UBTD1: variants seen among roughly 807,000 people sequenced by gnomAD.
UBTD1 encodes ubiquitin domain containing 1, also known as ubiquitin domain-containing protein 1.
Under a neutral mutation model 21.7 loss-of-function variants are expected in UBTD1, and 19 were observed. The observed-to-expected ratio is 0.87, with a 90% CI of 0.61 to 1.28. UBTD1 has a LOEUF of 1.28. Ranked by LOEUF, UBTD1 falls within the 50% of genes most tolerant of loss-of-function variation. The pLI, the probability that UBTD1 is intolerant of heterozygous loss-of-function variation, is 0.00. For missense variants in UBTD1, 282 were observed against 315.1 expected (o/e 0.89, Z 0.80); for synonymous variants, 116 against 135.1 (o/e 0.86, Z 0.98).
At chr10:97,551,230 A>G (rs970634981) in intron 1 of UBTD1, among the ~76,000 whole-genome samples, 2 of 152,116 alleles carry the variant, frequency 1.3e-5, no homozygotes, top group African/African-American at 2.4e-5. Context: ...AGACATATAC[A>G]TTCTCTGCTC....
chr10:97,549,821 C>T (rs998870561), intron 1 of UBTD1, among the ~76,000 whole-genome samples: 4 of 152,228 alleles, frequency 2.6e-5, no homozygotes, highest in African/African-American at 4.8e-5. Context: ...AGCACTTTCC[C>T]TTCAAAAGTT....
chr10:97,548,035 T>C (rs1480935278), intron 1 of UBTD1, among the ~76,000 whole-genome samples: 1 of 152,194 alleles, frequency 6.6e-6, no homozygotes, highest in African/African-American at 2.4e-5. Context: ...AGCAGTCCCA[T>C]GAGGTGGGAG....
intron 1 of UBTD1, among the ~76,000 whole-genome samples, chr10:97,529,497 T>C (rs1275170787): frequency 6.6e-6 from 1 of 152,132 alleles, no homozygotes; most frequent in African/African-American, 2.4e-5. Context: ...TTAACGAGAC[T>C]CCGTCTGCAA....
intron 1 of UBTD1, among the ~76,000 whole-genome samples, chr10:97,515,055 T>G (rs1320454790): frequency 6.6e-6 from 1 of 152,204 alleles, no homozygotes; most frequent in Non-Finnish European, 1.5e-5. Flanking sequence ...CCTGGGGGTG[T>G]GGCATAGGGA....
rs973022065 is a variant in UBTD1 at position 97,531,035 on chromosome 10, C to A, written c.70+31762C>A. 3.3e-5 allele frequency among the ~76,000 whole-genome samples: 5 copies of A among 150,596 alleles called. No homozygotes were observed. In the South Asian group the frequency reaches 8.4e-4, roughly 25 times the overall value. ...CCGGAGTAGCTGGGACTACAGGTGCCCGCCACCACGCCCAACTAATTTTTT... is the reference window on the plus strand; with the variant it reads ...CCGGAGTAGCTGGGACTACAGGTGCACGCCACCACGCCCAACTAATTTTTT... On this transcript the variant is annotated intron_variant, in intron 1 of 2. Coordinates refer to ENST00000370664, the MANE Select transcript of UBTD1 (RefSeq NM_024954.5).
chr10:97,507,639 G>A (rs2040404560), intron 1 of UBTD1, among the ~76,000 whole-genome samples: 1 of 151,834 alleles, frequency 6.6e-6, no homozygotes, highest in Non-Finnish European at 1.5e-5. Flanking sequence ...AGCCGGGCAT[G>A]GTGGCACGTG....
chr10:97,532,661 G>A (rs2040537952), intron 1 of UBTD1, among the ~76,000 whole-genome samples: 1 of 152,192 alleles, frequency 6.6e-6, no homozygotes, highest in South Asian at 2.1e-4. Flanking sequence ...GTGGTGGCGG[G>A]CACCTGTAGT....
intron 1 of UBTD1, among the ~76,000 whole-genome samples, chr10:97,517,180 C>T (rs930697845): frequency 6.6e-6 from 1 of 152,008 alleles, no homozygotes. Context: ...AAGGAGGTCC[C>T]GAACTTTGGC....
At chr10:97,531,120 C>T (rs1473854121) in intron 1 of UBTD1, among the ~76,000 whole-genome samples, 3 of 152,064 alleles carry the variant, frequency 2.0e-5, no homozygotes, top group Non-Finnish European at 2.9e-5. Flanking sequence ...ATCTCCTGAC[C>T]TCGTGATCCG....
chr10:97,556,912 C>A (rs1277708772), intron 1 of UBTD1, among the ~76,000 whole-genome samples: 3 of 152,184 alleles, frequency 2.0e-5, no homozygotes, highest in African/African-American at 7.2e-5. Context: ...TTTTGTGGTA[C>A]CATTTTACAG....
chr10:97,502,392 G>A (rs983584794), intron 1 of UBTD1, among the ~76,000 whole-genome samples: 4 of 152,184 alleles, frequency 2.6e-5, no homozygotes, highest in South Asian at 2.1e-4. Context: ...ATAGTTTTAC[G>A]TTGTAAGACT....
chr10:97,500,769 T>C (rs1426828449), intron 1 of UBTD1, among the ~76,000 whole-genome samples: 1 of 152,096 alleles, frequency 6.6e-6, no homozygotes, highest in African/African-American at 2.4e-5. Context: ...CTCATTACAC[T>C]CTCTCCCAGA....
intron 1 of UBTD1, among the ~76,000 whole-genome samples, chr10:97,530,528 A>C (rs1434247790): frequency 6.6e-6 from 1 of 152,246 alleles, no homozygotes; most frequent in Non-Finnish European, 1.5e-5. Context: ...AAGTAAAAAC[A>C]GGATTTTTTT....
At chr10:97,525,051 TTG>T in intron 1 of UBTD1, among the ~76,000 whole-genome samples, 1 of 152,328 alleles carries the variant, frequency 6.6e-6, no homozygotes, top group South Asian at 2.1e-4. Flanking sequence ...GTATTTTCAC[TTG>T]TGTGTGCTGA....
At chr10:97,530,106 C>T (rs967340508) in intron 1 of UBTD1, among the ~76,000 whole-genome samples, 1 of 152,152 alleles carries the variant, frequency 6.6e-6, no homozygotes, top group Non-Finnish European at 1.5e-5. Flanking sequence ...TGTCTGTCTC[C>T]CTCACTAGCT....
At chr10:97,523,377 C>G (rs1348461440) in intron 1 of UBTD1, among the ~76,000 whole-genome samples, 6 of 152,186 alleles carry the variant, frequency 3.9e-5, no homozygotes, top group Non-Finnish European at 7.3e-5. Flanking sequence ...TGTGTTCTCC[C>G]AGCACCTGGT....
intron 1 of UBTD1, among the ~76,000 whole-genome samples, chr10:97,555,578 G>T (rs1359845437): frequency 6.6e-6 from 1 of 152,142 alleles, no homozygotes; most frequent in Non-Finnish European, 1.5e-5. Flanking sequence ...CTCCCCAAAT[G>T]CACAATTTCT....
chr10:97,518,749 G>GT (rs1048922940), intron 1 of UBTD1, among the ~76,000 whole-genome samples: 1 of 152,222 alleles, frequency 6.6e-6, no homozygotes, highest in Non-Finnish European at 1.5e-5. Flanking sequence ...GAATGAGAGG[G>GT]TTGCCAGACT....
At chr10:97,525,249 A>G (rs1171539119) in intron 1 of UBTD1, among the ~76,000 whole-genome samples, 2 of 152,070 alleles carry the variant, frequency 1.3e-5, no homozygotes, top group Non-Finnish European at 2.9e-5. Flanking sequence ...TGTGTGTGGA[A>G]CCCAGACAAT....
Sources: gnomAD v4.1 joint callset for allele counts (sites outside exome capture counted in the v4.1 genomes callset) on GRCh38, gnomAD v4.1.1 for gene constraint, MANE v1.5 for transcripts, NCBI Gene and HGNC (gene_info 2026-07-23, HGNC 2026-07-21) for gene names.